ZNF248: variants seen among roughly 807,000 people sequenced by gnomAD.
ZNF248 encodes the protein zinc finger protein 248.
In ZNF248, 20 loss-of-function variants were observed where a neutral mutation model predicts 44.3. The ratio of observed to expected loss-of-function variants is 0.45; its 90% CI spans 0.32 to 0.66. The LOEUF (loss-of-function observed/expected upper bound fraction) is 0.66, where lower values mean the gene tolerates loss of function less well. Ranked by LOEUF, ZNF248 falls within the 30% of genes least tolerant of loss-of-function variation. The pLI is 0.04. For synonymous variants in ZNF248, 224 were observed against 229.0 expected, an observed-to-expected ratio of 0.98 and a Z score of 0.20; for missense variants, 654 against 677.0, an observed-to-expected ratio of 0.97 and a Z score of 0.38.
In ZNF248 at chr10:37,831,939, G is replaced by A. The variant is rs200201385; in HGVS notation, c.1416C>T (p.Ser472=). ...CAGTGAGGGCTGATCTGTGGCAGAA[G>A]GATTTCCCACATGCATTACATTCAT... ...KPYECNACGK[S]FCHRSALTVH... Residue 472 remains serine, a synonymous_variant, in exon 6 of 6, where the codon TCC becomes TCT. Transcript: ENST00000395867. 9.9e-6 allele frequency: 16 copies of A among 1,613,852 alleles called. No individual in the cohort carries two copies. The highest frequency in any genetic ancestry group is 1.3e-5 in the African/African-American group (1 of 74,910).
chr10:37,761,895 A>T, the ZNF248 span, among the ~76,000 whole-genome samples: 1 of 152,232 alleles, frequency 6.6e-6, no homozygotes, highest in Admixed American at 6.5e-5. Flanking sequence ...TACCTGCTAG[A>T]GACCATCAAT....
At chr10:37,792,756 A>G (rs2048706564) in intron 6 of ZNF248, among the ~76,000 whole-genome samples, 1 of 152,200 alleles carries the variant, frequency 6.6e-6, no homozygotes, top group South Asian at 2.1e-4. Flanking sequence ...ACATTCTACA[A>G]AACATTTGAC....
At chr10:37,769,168 A>T in the ZNF248 span, among the ~76,000 whole-genome samples, 24 of 152,164 alleles carry the variant, frequency 1.6e-4, no homozygotes, top group Non-Finnish European at 3.1e-4. Context: ...ACCAGAAGGA[A>T]TCACAGCCGA....
chr10:37,827,533 A>C (rs1320639593), downstream of ZNF248, among the ~76,000 whole-genome samples: 1 of 152,202 alleles, frequency 6.6e-6, no homozygotes, highest in East Asian at 1.9e-4. Context: ...CTGAAAGAGA[A>C]GCCTGGGAAT....
chr10:37,840,722 C>T (rs72791726), intron 3 of ZNF248, among the ~76,000 whole-genome samples: 18,896 of 152,014 alleles, frequency 0.12, 1,392 homozygotes, highest in East Asian at 0.29. Context: ...GCAGAGGTTG[C>T]AGTGAGCCGA....
Position 37,831,725 on chromosome 10 carries a change from CT to C in ZNF248, c.1629del (p.Glu545ArgfsTer29), listed in dbSNP as rs1437412737. On this transcript the variant is annotated frameshift_variant, in exon 6 of 6. Coordinates refer to ENST00000395867, the MANE Select transcript of ZNF248 (RefSeq NM_021045.3). LOFTEE classifies it high-confidence loss of function. ...SALTKHQRTH[T>X]GEKPYECNAC... ...GCATTACACTCATACGGCTTCTCCCCTGTGTGAGTCCTCTGATGTTTAGTGA... is the reference window on the plus strand; with the variant it reads ...GCATTACACTCATACGGCTTCTCCCCGTGTGAGTCCTCTGATGTTTAGTGA... 6.2e-7 allele frequency: 1 copy of C among 1,613,254 alleles called. No homozygotes were observed.
chr10:37,823,282 C>A (rs1444880162), intron 6 of ZNF248, among the ~76,000 whole-genome samples: 1 of 132,396 alleles, frequency 7.6e-6, no homozygotes, highest in South Asian at 2.5e-4. Context: ...TGCAGTGATC[C>A]GAGATTGCGC....
chr10:37,852,309 A>G (rs1471563609), intron 3 of ZNF248, among the ~76,000 whole-genome samples: 3 of 152,102 alleles, frequency 2.0e-5, no homozygotes, highest in Non-Finnish European at 4.4e-5. Flanking sequence ...AAAAGGAATG[A>G]ACTGTTGACA....
downstream of ZNF248, among the ~76,000 whole-genome samples, chr10:37,826,392 G>C (rs1049652073): frequency 1.3e-5 from 2 of 152,092 alleles, no homozygotes; most frequent in Admixed American, 6.5e-5. Flanking sequence ...TCTATTTTCT[G>C]AGTATTATTT....
chr10:37,856,451 C>T lies in ZNF248; in HGVS notation c.-44G>A, dbSNP rs1372294486. On this transcript the variant is annotated 5_prime_UTR_variant, in exon 2 of 6. Coordinates refer to ENST00000395867, the MANE Select transcript of ZNF248 (RefSeq NM_021045.3). ...GATACTTACGTGTCCATGTGTGGCT[C>T]CGATATATGCTGAGCTCAGACATGA... 1 of 1,417,446 alleles carries T rather than the reference C, an allele frequency of 7.1e-7. No individual in the cohort carries two copies. Among genetic ancestry groups the T allele is most frequent in the Non-Finnish European group, 9.3e-7 (1 of 1,080,146 alleles). 87.8% of individuals were successfully genotyped at this position (1,417,446 alleles called of 1,614,324 possible).
chr10:37,831,459 A>G lies in ZNF248; in HGVS notation c.*156T>C, dbSNP rs2055602750. On this transcript the variant is annotated 3_prime_UTR_variant, in exon 6 of 6. Transcript: ENST00000395867. Reference sequence around the variant, plus strand: ...GATGAATAGAATTCCCCTCAGTACAAATTTTCTAATGAAAAGTTTTAATTT... The same window carrying G: ...GATGAATAGAATTCCCCTCAGTACAGATTTTCTAATGAAAAGTTTTAATTT... 6.8e-7 allele frequency: 1 copy of G among 1,460,328 alleles called. No individual in the cohort carries two copies. The highest frequency in any genetic ancestry group is 1.4e-5 in the African/African-American group (1 of 69,794). 90.5% of individuals were successfully genotyped at this position (1,460,328 alleles called of 1,614,324 possible).
chr10:37,765,074 C>A, the ZNF248 span, among the ~76,000 whole-genome samples: 1 of 152,086 alleles, frequency 6.6e-6, no homozygotes, highest in South Asian at 2.1e-4. Flanking sequence ...GATTCTCCTG[C>A]CTCGGCCTCC....
the ZNF248 span, among the ~76,000 whole-genome samples, chr10:37,765,561 T>C: frequency 6.6e-6 from 1 of 152,238 alleles, no homozygotes; most frequent in Non-Finnish European, 1.5e-5. Context: ...TGGTATATTA[T>C]CTGTAACTGC....
downstream of ZNF248, chr10:37,775,423 G>A (rs2046512870): frequency 6.6e-6 from 1 of 152,084 alleles, no homozygotes. Flanking sequence ...AGAACACAGG[G>A]GTGGTCATGC....
intron 3 of ZNF248, among the ~76,000 whole-genome samples, chr10:37,849,137 A>G (rs1307366266): frequency 6.6e-6 from 1 of 152,144 alleles, no homozygotes; most frequent in African/African-American, 2.4e-5. Flanking sequence ...AAAGAGCAGT[A>G]AGAAATTAAC....
chr10:37,835,674 A>C (rs1413659358), intron 5 of ZNF248, among the ~76,000 whole-genome samples: 1 of 152,190 alleles, frequency 6.6e-6, no homozygotes, highest in Non-Finnish European at 1.5e-5. Context: ...GAGAACGAGA[A>C]GGAATAAGGA....
At chr10:37,759,993 T>C in the ZNF248 span, among the ~76,000 whole-genome samples, 1 of 152,150 alleles carries the variant, frequency 6.6e-6, no homozygotes, top group African/African-American at 2.4e-5. Context: ...GAGGTGGTTC[T>C]GAGGAGCAGA....
chr10:37,833,061 G>T lies in ZNF248; in HGVS notation c.294C>A (p.Asp98Glu). The part of the protein sequence containing the change: ...VLESSQENED[D>E]HFWELLFHNN... ...TGTGGAATAGAAGCTCCCAAAAATG[G>T]TCATCTTCATTTTCCTGGCTGCTCT... The change falls in exon 6 of 6, where the codon GAC (aspartate) becomes GAA (glutamate). Residue 98 changes from aspartate to glutamate, a missense_variant. Asp to Glu is a conservative substitution (Grantham distance 45, BLOSUM62 2). Coordinates refer to ENST00000395867, the MANE Select transcript of ZNF248 (RefSeq NM_021045.3). 6.2e-7 allele frequency: 1 copy of T among 1,610,456 alleles called. No individual in the cohort carries two copies. Among genetic ancestry groups the T allele is most frequent in the Non-Finnish European group, 8.5e-7 (1 of 1,178,864 alleles).
chr10:37,801,205 T>A (rs988424193), intron 6 of ZNF248, among the ~76,000 whole-genome samples: 1 of 151,318 alleles, frequency 6.6e-6, no homozygotes, highest in Non-Finnish European at 1.5e-5. Flanking sequence ...TGAAACCCCA[T>A]CTCTATGAAA....
Sources: allele counts gnomAD v4.1 joint callset (sites outside exome capture counted in the v4.1 genomes callset), GRCh38; gene constraint gnomAD v4.1.1; transcripts MANE v1.5; gene names NCBI Gene and HGNC (gene_info 2026-07-23, HGNC 2026-07-21).